The following RSU1 variants were observed in gnomAD, a reference collection of about 807,000 sequenced individuals.
RSU1 encodes the protein rsu-1.
In RSU1, 26 loss-of-function variants were observed where a neutral mutation model predicts 31.1. The ratio of observed to expected loss-of-function variants is 0.84; its 90% CI spans 0.61 to 1.16. RSU1 has a LOEUF of 1.16. Among genes scored for constraint, RSU1 ranks in the 50% most tolerant of loss-of-function variants. RSU1 has a pLI of 0.00. For missense variants in RSU1, 320 were observed against 339.1 expected (o/e 0.94, Z 0.44); for synonymous variants, 164 against 136.3 (o/e 1.20, Z -1.41).
chr10:16,672,421 C>A (rs886540466), intron 8 of RSU1, among the ~76,000 whole-genome samples: 1 of 152,200 alleles, frequency 6.6e-6, no homozygotes, highest in Non-Finnish European at 1.5e-5. Context: ...CACAAAAGCT[C>A]ACAGCAGCTT....
intron 2 of RSU1, among the ~76,000 whole-genome samples, chr10:16,805,856 C>T (rs954297115): frequency 1.8e-4 from 28 of 151,884 alleles, no homozygotes; most frequent in African/African-American, 6.5e-4. Flanking sequence ...GGCACGCTTC[C>T]GAGTGGAAGG....
At chr10:16,665,433 A>G (rs535083350) in intron 8 of RSU1, among the ~76,000 whole-genome samples, 1 of 152,338 alleles carries the variant, frequency 6.6e-6, no homozygotes, top group Admixed American at 6.5e-5. Context: ...CACCACCCAA[A>G]TACACTGTTA....
In RSU1 at chr10:16,759,749, C is replaced by A. The variant is rs79799165; in HGVS notation, c.281+4641G>T. Among the ~76,000 whole-genome samples, 737 of 152,276 alleles carry A rather than the reference C, an allele frequency of 4.8e-3. 11 individuals are homozygous for A. The highest frequency in any genetic ancestry group is 0.037 in the East Asian group (189 of 5,176). ...TTGGAAAATAACTCTATGAAATAAA[C>A]CGCATTTAAGGAATTGAGAACAGAA... is the stretch of plus-strand genomic sequence containing the variant. On this transcript the variant is annotated intron_variant, in intron 4 of 8. Transcript: ENST00000345264.
At chr10:16,705,266 A>G (rs1835874275) in intron 7 of RSU1, among the ~76,000 whole-genome samples, 1 of 152,200 alleles carries the variant, frequency 6.6e-6, no homozygotes. Flanking sequence ...CATGGGGGAC[A>G]GGTTCCAGGA....
chr10:16,613,705 A>G (rs542542739), intron 8 of RSU1, among the ~76,000 whole-genome samples: 3 of 152,184 alleles, frequency 2.0e-5, no homozygotes, highest in South Asian at 2.1e-4. Context: ...GGCATGTTGC[A>G]GTAATGCTAT....
intron 8 of RSU1, among the ~76,000 whole-genome samples, chr10:16,645,679 C>A (rs913421395): frequency 6.6e-6 from 1 of 151,070 alleles, no homozygotes; most frequent in African/African-American, 2.4e-5. Flanking sequence ...GTGTGGCGCA[C>A]ACCTGTAATC....
At chr10:16,800,721 T>C (rs1372392127) in intron 2 of RSU1, among the ~76,000 whole-genome samples, 1 of 152,254 alleles carries the variant, frequency 6.6e-6, no homozygotes, top group Admixed American at 6.5e-5. Flanking sequence ...TTACCTGCAC[T>C]GGCTCTGAAG....
intron 7 of RSU1, among the ~76,000 whole-genome samples, chr10:16,733,514 A>G (rs1248510828): frequency 6.6e-6 from 1 of 152,046 alleles, no homozygotes; most frequent in East Asian, 1.9e-4. Context: ...TCGCAAAACA[A>G]ACAAACAAAC....
chr10:16,622,627 T>G (rs1834089442), intron 8 of RSU1, among the ~76,000 whole-genome samples: 1 of 152,174 alleles, frequency 6.6e-6, no homozygotes, highest in South Asian at 2.1e-4. Flanking sequence ...AAATGTTGAA[T>G]GGCAGAGTTC....
rs192123796 is a variant in RSU1 at position 16,753,496 on chromosome 10, T to C, written c.401-496A>G. ...GAAGGCTTTCTGGTGATGGAGGCTA[T>C]AACCACAGCTCATCAGTTCCATAAT... On this transcript the variant is annotated intron_variant, in intron 5 of 8. Coordinates refer to ENST00000345264, the MANE Select transcript of RSU1 (RefSeq NM_012425.4). 2.4e-3 allele frequency among the ~76,000 whole-genome samples: 373 copies of C among 152,300 alleles called. 2 individuals are homozygous for C. Among genetic ancestry groups the C allele is most frequent in the African/African-American group, 8.4e-3 (348 of 41,558 alleles).
chr10:16,596,800 G>A (rs1833621994), intron 8 of RSU1, among the ~76,000 whole-genome samples: 1 of 152,198 alleles, frequency 6.6e-6, no homozygotes, highest in Non-Finnish European at 1.5e-5. Flanking sequence ...TCAGTTCACT[G>A]CAGCTTCTGC....
intron 2 of RSU1, among the ~76,000 whole-genome samples, chr10:16,796,256 G>C (rs1588541422): frequency 6.6e-6 from 1 of 152,124 alleles, no homozygotes; most frequent in Non-Finnish European, 1.5e-5. Flanking sequence ...TCCAAGTGTT[G>C]CCTTCTCCAA....
chr10:16,781,687 G>A (rs1476051341), intron 3 of RSU1, among the ~76,000 whole-genome samples: 2 of 152,116 alleles, frequency 1.3e-5, no homozygotes, highest in Admixed American at 6.5e-5. Flanking sequence ...TTATAAACAT[G>A]ATAAGAAAGA....
chr10:16,706,620 A>G (rs1835909437), intron 7 of RSU1, among the ~76,000 whole-genome samples: 1 of 152,212 alleles, frequency 6.6e-6, no homozygotes, highest in South Asian at 2.1e-4. Flanking sequence ...GGAATTATAC[A>G]TACTTATGGG....
At chr10:16,685,204 C>T (rs1049673395) in intron 8 of RSU1, among the ~76,000 whole-genome samples, 6 of 152,096 alleles carry the variant, frequency 3.9e-5, no homozygotes, top group African/African-American at 1.2e-4. Context: ...GAGCCGAGAT[C>T]GCACCACCGC....
chr10:16,688,966 CCCCTG>C (rs1404011608), intron 8 of RSU1, among the ~76,000 whole-genome samples: 1 of 151,934 alleles, frequency 6.6e-6, no homozygotes, highest in Non-Finnish European at 1.5e-5. Context: ...TATCATGGTG[CCCCTG>C]CACTGCAGCC....
chr10:16,720,358 C>A (rs1056316126), intron 7 of RSU1, among the ~76,000 whole-genome samples: 1 of 152,108 alleles, frequency 6.6e-6, no homozygotes, highest in Non-Finnish European at 1.5e-5. Flanking sequence ...ACATATTGAA[C>A]AGAAATAAAT....
chr10:16,760,611 T>G (rs1310831057), intron 4 of RSU1, among the ~76,000 whole-genome samples: 2 of 152,060 alleles, frequency 1.3e-5, no homozygotes, highest in Non-Finnish European at 2.9e-5. Context: ...AAATTTGAGC[T>G]TATTATCTTC....
At chr10:16,753,772 C>T (rs1447849557) in intron 5 of RSU1, among the ~76,000 whole-genome samples, 11 of 151,910 alleles carry the variant, frequency 7.2e-5, no homozygotes, top group East Asian at 5.8e-4. Flanking sequence ...TTTGTTTACC[C>T]GTATTTATTT....
Sources: gnomAD v4.1 joint callset for allele counts (sites outside exome capture counted in the v4.1 genomes callset) on GRCh38, gnomAD v4.1.1 for gene constraint, MANE v1.5 for transcripts, NCBI Gene and HGNC (gene_info 2026-07-23, HGNC 2026-07-21) for gene names.